PTPRD: variants seen among roughly 807,000 people sequenced by gnomAD.
PTPRD encodes the protein protein tyrosine phosphatase receptor type D.
Under a neutral mutation model 214.5 loss-of-function variants are expected in PTPRD, and 34 were observed. That is an observed-to-expected ratio of 0.16 (90% confidence interval 0.12 to 0.21). The LOEUF is 0.21. Ranked by LOEUF, PTPRD falls within the 10% of genes least tolerant of loss-of-function variation. PTPRD has a pLI of 1.00. For missense variants in PTPRD, 2,545 were observed against 2,398.7 expected (o/e 1.06, Z -1.27); for synonymous variants, 1,128 against 845.7 (o/e 1.33, Z -5.79).
intron 2 of PTPRD, among the ~76,000 whole-genome samples, chr9:10,584,988 A>T (rs2073429817): frequency 6.6e-6 from 1 of 152,152 alleles, no homozygotes; most frequent in South Asian, 2.1e-4. Context: ...TAGCTTTCAG[A>T]CGATAAATAA....
chr9:8,583,491 T>C (rs2093365792), intron 14 of PTPRD, among the ~76,000 whole-genome samples: 2 of 152,104 alleles, frequency 1.3e-5, no homozygotes, highest in Admixed American at 1.3e-4. Context: ...GGCTGGATAA[T>C]TTATTTAAAA....
At chr9:9,165,714 A>G (rs2099902067) in intron 10 of PTPRD, among the ~76,000 whole-genome samples, 1 of 152,226 alleles carries the variant, frequency 6.6e-6, no homozygotes, top group African/African-American at 2.4e-5. Flanking sequence ...ACGGGGGGCC[A>G]CATATTAACA....
intron 11 of PTPRD, among the ~76,000 whole-genome samples, chr9:8,808,025 A>G (rs1452565396): frequency 6.6e-6 from 1 of 152,230 alleles, no homozygotes; most frequent in Non-Finnish European, 1.5e-5. Context: ...CTACAAAATG[A>G]AAATGCTATG....
At chr9:9,450,206 C>T (rs1022935307) in intron 8 of PTPRD, among the ~76,000 whole-genome samples, 1 of 151,472 alleles carries the variant, frequency 6.6e-6, no homozygotes, top group Non-Finnish European at 1.5e-5. Context: ...TTTGCAATTG[C>T]TAATTTTGCT....
chr9:10,257,045 C>T (rs913639036), intron 3 of PTPRD, among the ~76,000 whole-genome samples: 3 of 151,928 alleles, frequency 2.0e-5, no homozygotes, highest in Non-Finnish European at 4.4e-5. Flanking sequence ...AATCTGTTTC[C>T]TCCTCAAGAC....
chr9:10,214,447 T>C (rs1206280056), intron 3 of PTPRD, among the ~76,000 whole-genome samples: 3 of 147,636 alleles, frequency 2.0e-5, no homozygotes, highest in Non-Finnish European at 4.5e-5. Flanking sequence ...TTTTTTTTTT[T>C]TGCATTTTAA....
intron 11 of PTPRD, among the ~76,000 whole-genome samples, chr9:8,985,610 T>C (rs1238155759): frequency 2.6e-5 from 4 of 151,334 alleles, no homozygotes; most frequent in Non-Finnish European, 2.9e-5. Context: ...GTTCCTTCCT[T>C]GGACATGTAA....
intron 8 of PTPRD, among the ~76,000 whole-genome samples, chr9:9,542,912 CT>C (rs1462529751): frequency 6.6e-6 from 1 of 151,652 alleles, no homozygotes; most frequent in Non-Finnish European, 1.5e-5. Flanking sequence ...CTGCTTGCCA[CT>C]TCGTTATAAA....
At chr9:8,555,120 T>C (rs543469909) in intron 14 of PTPRD, among the ~76,000 whole-genome samples, 33 of 152,292 alleles carry the variant, frequency 2.2e-4, no homozygotes, top group African/African-American at 7.7e-4. Context: ...TCCTCAAATA[T>C]TTAAGACTCA....
chr9:9,300,394 G>A lies in PTPRD; in HGVS notation c.-203+97055C>T, dbSNP rs138711500. Among the ~76,000 whole-genome samples, 7 of 151,742 alleles carry A rather than the reference G, an allele frequency of 4.6e-5. No individual in the cohort carries two copies. In the East Asian group the frequency reaches 1.4e-3, roughly 30 times the overall value. On this transcript the variant is annotated intron_variant, in intron 9 of 45. Coordinates refer to ENST00000381196, the MANE Select transcript of PTPRD (RefSeq NM_002839.4). ...CTTCCTTGGAAGCTTTGAATATGCT[G>A]CAATCTCTTTTTAGACAGCGCCTCT...
chr9:10,583,901 G>C (rs914167472), intron 2 of PTPRD, among the ~76,000 whole-genome samples: 5 of 152,140 alleles, frequency 3.3e-5, no homozygotes, highest in Non-Finnish European at 5.9e-5. Flanking sequence ...TTAATGTCTA[G>C]AAACCTCAGA....
At chr9:10,197,569 G>T (rs991374112) in intron 3 of PTPRD, among the ~76,000 whole-genome samples, 2 of 152,070 alleles carry the variant, frequency 1.3e-5, no homozygotes, top group Admixed American at 1.3e-4. Context: ...GGTACGTTTT[G>T]ACTGTCTTTA....
chr9:10,145,111 C>G (rs2099013433), intron 3 of PTPRD, among the ~76,000 whole-genome samples: 1 of 152,042 alleles, frequency 6.6e-6, no homozygotes, highest in Non-Finnish European at 1.5e-5. Context: ...TACCCTGTGA[C>G]AATGAATATT....
intron 10 of PTPRD, among the ~76,000 whole-genome samples, chr9:9,045,327 T>C (rs1022231689): frequency 6.6e-6 from 1 of 152,260 alleles, no homozygotes. Context: ...ACCATTTCTC[T>C]TTAGCACTTC....
chr9:10,483,226 G>A (rs143712113), intron 2 of PTPRD, among the ~76,000 whole-genome samples: 5 of 152,110 alleles, frequency 3.3e-5, no homozygotes, highest in African/African-American at 1.2e-4. Context: ...AAATTGGATA[G>A]CCACGTGTAG....
intron 3 of PTPRD, among the ~76,000 whole-genome samples, chr9:10,174,846 G>A (rs1457450053): frequency 6.6e-6 from 1 of 152,018 alleles, no homozygotes; most frequent in African/African-American, 2.4e-5. Context: ...GTTAAAGTTA[G>A]TCTACTTTCT....
In PTPRD at chr9:9,983,750, C is replaced by A. The variant is rs559972325; in HGVS notation, c.-471-45140G>T. On this transcript the variant is annotated intron_variant, in intron 4 of 45. Transcript: ENST00000381196. ...AATGTGATCAACAATTTGAAAAATA[C>A]TGTCATAGAATGTCCACGCATAATT... Among the ~76,000 whole-genome samples the A allele has an allele frequency of 9.2e-5, 14 of 152,312 alleles. No homozygotes were observed. The East Asian group carries it at 2.1e-3, about 23-fold the overall frequency.
intron 8 of PTPRD, among the ~76,000 whole-genome samples, chr9:9,565,295 A>T (rs2084163169): frequency 6.6e-6 from 1 of 151,932 alleles, no homozygotes; most frequent in South Asian, 2.1e-4. Flanking sequence ...ATCTGAAAAA[A>T]TATGCGGTTT....
chr9:9,301,069 A>G (rs536777609), intron 9 of PTPRD, among the ~76,000 whole-genome samples: 2 of 151,938 alleles, frequency 1.3e-5, no homozygotes, highest in African/African-American at 4.8e-5. Flanking sequence ...GGCACTCAAT[A>G]AACACAGAAG....
Sources: allele counts gnomAD v4.1 joint callset (sites outside exome capture counted in the v4.1 genomes callset), GRCh38; gene constraint gnomAD v4.1.1; transcripts MANE v1.5; gene names NCBI Gene and HGNC (gene_info 2026-07-23, HGNC 2026-07-21).